Variants in CLN3 observed in about 807,000 individuals in gnomAD.
CLN3 encodes the protein battenin.
A neutral mutation model predicts 60.7 loss-of-function variants in CLN3; 49 were observed. That is an observed-to-expected ratio of 0.81 (90% CI 0.64 to 1.02). The LOEUF is 1.02. CLN3 is among the 50% of genes least tolerant of loss of function. The pLI is 0.00. For missense variants in CLN3, 516 were observed against 557.4 expected (o/e 0.93, Z 0.75); for synonymous variants, 256 against 245.8 (o/e 1.04, Z -0.39).
downstream of CLN3, among the ~76,000 whole-genome samples, chr16:28,473,122 G>A (rs2141689084): frequency 6.6e-6 from 1 of 151,756 alleles, no homozygotes; most frequent in Middle Eastern, 3.4e-3. Flanking sequence ...TTTATTTTTT[G>A]AGACAGGGTT....
At chr16:28,486,000 T>C (rs1483124664) in intron 9 of CLN3, among the ~76,000 whole-genome samples, 1 of 151,340 alleles carries the variant, frequency 6.6e-6, no homozygotes, top group East Asian at 1.9e-4. Context: ...TTCTTTCTTT[T>C]TTTTTTTTTC....
chr16:28,472,757 G>A (rs151336844), downstream of CLN3, among the ~76,000 whole-genome samples: 128 of 147,578 alleles, frequency 8.7e-4, 1 homozygote, highest in African/African-American at 2.9e-3. Context: ...CAGGAGAATC[G>A]CTTGAACCCG....
downstream of CLN3, chr16:28,470,490 G>C: frequency 6.7e-7 from 1 of 1,501,798 alleles, no homozygotes; most frequent in South Asian, 1.2e-5. Context: ...GGTGGAGGTG[G>C]CTTAGGGCAG....
intron 9 of CLN3, chr16:28,485,034 C>T (rs2046181527): frequency 6.6e-6 from 1 of 151,566 alleles, no homozygotes; most frequent in Non-Finnish European, 1.5e-5. Flanking sequence ...CAACCTCTGC[C>T]TCCTGGGTTC....
intron 4 of CLN3, 45 bp from the exon 5 acceptor site, chr16:28,488,707 AG>A: frequency 6.3e-7 from 1 of 1,580,586 alleles, no homozygotes; most frequent in South Asian, 1.1e-5. Context: ...GCAGAGGGAT[AG>A]ACACACAGAG....
At position 28,491,800 on chromosome 16, in the gene CLN3, G is replaced by T. The variant is rs370217726; in HGVS notation, c.-41C>A. The T allele has an allele frequency of 2.0e-5, 33 of 1,610,388 alleles. No homozygotes were observed. The highest frequency in any genetic ancestry group is 1.7e-5 in the Admixed American group (1 of 59,896). ...TCCCCCGAGGGTCCAGGGTCATAGA[G>T]TGTCCAAAGGGGGCTCCCACGGGAG... On this transcript the variant is annotated 5_prime_UTR_variant, in exon 2 of 16. Coordinates refer to ENST00000636147, the MANE Select transcript of CLN3 (RefSeq NM_001042432.2).
downstream of CLN3, chr16:28,475,597 G>T (rs2045984735): frequency 6.6e-6 from 1 of 152,134 alleles, no homozygotes; most frequent in African/African-American, 2.4e-5. Context: ...CCTAGATCTG[G>T]GTCCACAAAC....
downstream of CLN3, among the ~76,000 whole-genome samples, chr16:28,470,750 C>T (rs1442020052): frequency 2.7e-5 from 4 of 150,686 alleles, no homozygotes; most frequent in African/African-American, 7.2e-5. Context: ...GGAAAGGATC[C>T]GGTTCAAATT....
At chr16:28,491,979 C>A in intron 1 of CLN3, 41 bp downstream of exon 1, 1 of 630,268 alleles carries the variant, frequency 1.6e-6, no homozygotes, top group Non-Finnish European at 2.8e-6. Flanking sequence ...CCATCGTACT[C>A]TCCCCCGCCC....
chr16:28,473,635 G>C (rs1388254051), downstream of CLN3, among the ~76,000 whole-genome samples: 1 of 152,136 alleles, frequency 6.6e-6, no homozygotes, highest in East Asian at 1.9e-4. Flanking sequence ...TATCAAAAAA[G>C]TAAAAAGACA....
chr16:28,486,319 C>G (rs1394597678), intron 9 of CLN3, 28 bp downstream of exon 9: 1 of 1,611,100 alleles, frequency 6.2e-7, no homozygotes, highest in Non-Finnish European at 8.5e-7. Flanking sequence ...CCTTGGACCC[C>G]TCTCCCTCCC....
chr16:28,491,959 C>T, intron 1 of CLN3, 61 bp downstream of exon 1: 2 of 670,126 alleles, frequency 3.0e-6, no homozygotes, highest in South Asian at 3.4e-5. Context: ...TACGACCCAC[C>T]ACGCCCCACC....
downstream of CLN3, chr16:28,475,882 CAGTTTTTTTGTTTTTTTTTTTG>C (rs1407084856): frequency 6.7e-6 from 1 of 150,016 alleles, no homozygotes; most frequent in Non-Finnish European, 1.5e-5. Context: ...AAGTCAGACT[CAGTTTTTTTGTTTTTTTTTTTG>C]AGACAGAGTC....
intron 14 of CLN3, among the ~76,000 whole-genome samples, chr16:28,478,447 C>T (rs1217257538): frequency 6.6e-6 from 1 of 151,682 alleles, no homozygotes; most frequent in Non-Finnish European, 1.5e-5. Context: ...AAAACTCCGT[C>T]TCTACAAAAA....
intron 7 of CLN3, 67 bp from the exon 8 acceptor site, chr16:28,486,717 G>T: frequency 6.9e-7 from 1 of 1,445,654 alleles, no homozygotes; most frequent in Non-Finnish European, 9.5e-7. Context: ...CCTCTAATGT[G>T]TCTGGCCATG....
intron 10 of CLN3, 36 bp from the exon 11 acceptor site, chr16:28,482,708 T>C: frequency 6.2e-7 from 1 of 1,612,298 alleles, no homozygotes; most frequent in Non-Finnish European, 8.5e-7. Flanking sequence ...CAGATGAAGT[T>C]TTCACACTGA....
At chr16:28,473,344 AG>A (rs1349822931), downstream of CLN3, among the ~76,000 whole-genome samples, 1 of 152,100 alleles carries the variant, frequency 6.6e-6, no homozygotes, top group African/African-American at 2.4e-5. Context: ...CCTGCCTCCC[AG>A]AATGCTGGGA....
rs2046115965 is a variant in CLN3 at position 28,482,481 on chromosome 16, C to G, written c.902G>C (p.Gly301Ala). The G allele has an allele frequency of 6.2e-7, 1 of 1,614,074 alleles. No homozygotes were observed. The highest frequency in any genetic ancestry group is 1.3e-5 in the African/African-American group (1 of 74,940). Residue 301 changes from glycine (G) to alanine (A), a missense_variant, in exon 12 of 16, where the codon GGA becomes GCA. Transcript: ENST00000636147. ...CTCCTAGCACCCCTCACTTACAAGT[C>G]CCTGGTTAATGAAATACTCGGCAAA... ...VYFAEYFINQGLFELLFFWNT... is the reference protein window; with the variant it reads ...VYFAEYFINQALFELLFFWNT...
chr16:28,477,134 AAAACAAAC>A (rs533413452), downstream of CLN3: 85 of 324,122 alleles, frequency 2.6e-4, no homozygotes, highest in African/African-American at 4.1e-4. Flanking sequence ...AGACTCTGTC[AAAACAAAC>A]AAACAAACAA....
Sources: gnomAD v4.1 joint callset for allele counts (sites outside exome capture counted in the v4.1 genomes callset) on GRCh38, gnomAD v4.1.1 for gene constraint, MANE v1.5 for transcripts, NCBI Gene and HGNC (gene_info 2026-07-23, HGNC 2026-07-21) for gene names.